PPP4R3B: variants seen among roughly 807,000 people sequenced by gnomAD.
PPP4R3B encodes protein phosphatase 4 regulatory subunit 3B.
Under a neutral mutation model 95.4 loss-of-function variants are expected in PPP4R3B, and 52 were observed. That is an observed-to-expected ratio of 0.54 (90% CI 0.44 to 0.69). The LOEUF is 0.69. PPP4R3B is among the 30% of genes least tolerant of loss of function. The pLI is 0.00. For missense variants in PPP4R3B, 1,003 were observed against 1,005.9 expected, an observed-to-expected ratio of 1.00 and a Z score of 0.04; for synonymous variants, 407 against 343.9, an observed-to-expected ratio of 1.18 and a Z score of -2.03.
At chr2:55,601,373 A>G (rs1692583503) in intron 3 of PPP4R3B, among the ~76,000 whole-genome samples, 1 of 150,896 alleles carries the variant, frequency 6.6e-6, no homozygotes, top group Non-Finnish European at 1.5e-5. Flanking sequence ...AACCAGACCA[A>G]CTGTCTTTTT....
chr2:55,578,730 T>A (rs766250887), intron 9 of PPP4R3B, among the ~76,000 whole-genome samples: 1 of 152,068 alleles, frequency 6.6e-6, no homozygotes, highest in African/African-American at 2.4e-5. Flanking sequence ...ATGGAACTGA[T>A]AGTATTACAT....
chr2:55,576,426 T>C (rs971805534), intron 11 of PPP4R3B, among the ~76,000 whole-genome samples: 1 of 149,870 alleles, frequency 6.7e-6, no homozygotes, highest in Non-Finnish European at 1.5e-5. Flanking sequence ...CCCTCAATGC[T>C]GTATGTGGAA....
chr2:55,578,488 T>C (rs1165209041), intron 9 of PPP4R3B, 146 bp from the exon 10 acceptor site: 1 of 866,422 alleles, frequency 1.2e-6, no homozygotes. Flanking sequence ...TTTATATAAA[T>C]GGAACCATTC....
chr2:55,549,882 C>T lies in PPP4R3B; in HGVS notation c.*29G>A. 6.6e-7 allele frequency: 1 copy of T among 1,513,898 alleles called. No individual in the cohort carries two copies. Among genetic ancestry groups the T allele is most frequent in the Non-Finnish European group, 9.2e-7 (1 of 1,089,056 alleles). 93.8% of individuals were successfully genotyped at this position (1,513,898 alleles called of 1,614,324 possible). A position where few individuals can be genotyped will look rare whatever the true frequency, so the allele number is the denominator to read the frequency against. ...CTGAACAGTTGCAGCATTGTAAGAC[C>T]ACATGTTGAGGGTCCCCTAATAAAT... On this transcript the variant is annotated 3_prime_UTR_variant, in exon 17 of 17. Coordinates refer to ENST00000616407, the MANE Select transcript of PPP4R3B (RefSeq NM_001122964.3).
chr2:55,566,886 G>A (rs1252869174), intron 13 of PPP4R3B, among the ~76,000 whole-genome samples: 1 of 152,152 alleles, frequency 6.6e-6, no homozygotes, highest in Non-Finnish European at 1.5e-5. Context: ...CATGCCTGTA[G>A]TTCCAATTAC....
At chr2:55,587,413 G>C (rs1417026287) in intron 5 of PPP4R3B, among the ~76,000 whole-genome samples, 2 of 152,206 alleles carry the variant, frequency 1.3e-5, no homozygotes, top group Non-Finnish European at 1.5e-5. Context: ...GTGAAACCCT[G>C]TCTCTACTAA....
chr2:55,579,274 G>A (rs1195553898), intron 9 of PPP4R3B, among the ~76,000 whole-genome samples: 1 of 152,040 alleles, frequency 6.6e-6, no homozygotes, highest in Non-Finnish European at 1.5e-5. Flanking sequence ...TGTGCATTTG[G>A]AGGCTAAGTT....
At chr2:55,554,005 G>A (rs1558933525) in intron 16 of PPP4R3B, among the ~76,000 whole-genome samples, 1 of 152,142 alleles carries the variant, frequency 6.6e-6, no homozygotes, top group Admixed American at 6.5e-5. Context: ...GTAACTCTGG[G>A]TCATATGGTA....
chr2:55,558,557 G>A (rs921284255), intron 16 of PPP4R3B, among the ~76,000 whole-genome samples: 59 of 152,088 alleles, frequency 3.9e-4, no homozygotes, highest in African/African-American at 1.3e-3. Flanking sequence ...GCAGTGAGCT[G>A]AGATCACTCC....
intron 2 of PPP4R3B, among the ~76,000 whole-genome samples, chr2:55,610,495 C>T (rs1446253860): frequency 6.6e-6 from 1 of 152,102 alleles, no homozygotes; most frequent in African/African-American, 2.4e-5. Flanking sequence ...TATCACAGTT[C>T]CTTCCACTAC....
intron 3 of PPP4R3B, among the ~76,000 whole-genome samples, chr2:55,600,895 A>G (rs887365126): frequency 6.6e-6 from 1 of 152,218 alleles, no homozygotes; most frequent in Non-Finnish European, 1.5e-5. Context: ...GCTGTGGCTC[A>G]TGCCTGTAAT....
rs1460830276 is a variant in PPP4R3B at position 55,598,821 on chromosome 2, A to C, written c.516T>G (p.Ile172Met). The change falls in exon 4 of 17, where the codon ATT becomes ATG. Residue 172 changes from isoleucine (I) to methionine (M), a missense_variant. By Grantham distance (10) the Ile-to-Met change is conservative. Transcript: ENST00000616407. The part of the protein sequence containing the change: ...LALALENEGY[I>M]KKLLQLFQAC... ...CTTGGAACAGCTGCAATAGTTTTTT[A>C]ATATAGCCTTCATTTTCCAAGGCGA... The C allele has an allele frequency of 6.2e-7, 1 of 1,614,180 alleles. No individual in the cohort carries two copies. The highest frequency in any genetic ancestry group is 8.5e-7 in the Non-Finnish European group (1 of 1,180,024).
chr2:55,563,507 G>C (rs1686886957), intron 15 of PPP4R3B, among the ~76,000 whole-genome samples: 1 of 152,034 alleles, frequency 6.6e-6, no homozygotes, highest in South Asian at 2.1e-4. Flanking sequence ...CTAGTAGCTG[G>C]GACTCCAGGT....
At chr2:55,579,356 T>A (rs1689126856) in intron 9 of PPP4R3B, among the ~76,000 whole-genome samples, 1 of 152,060 alleles carries the variant, frequency 6.6e-6, no homozygotes, top group South Asian at 2.1e-4. Context: ...TTTCTTTTGA[T>A]AAGTGTCTAC....
chr2:55,550,238 C>A (rs1685099841), intron 16 of PPP4R3B, among the ~76,000 whole-genome samples: 1 of 152,152 alleles, frequency 6.6e-6, no homozygotes, highest in African/African-American at 2.4e-5. Context: ...ATTAATGATA[C>A]TTCAAAACTC....
At position 55,617,536 on chromosome 2, in the gene PPP4R3B, C is replaced by T. The variant is rs878888582; in HGVS notation, c.-251G>A. 5.0e-6 allele frequency: 2 copies of T among 399,666 alleles called. No homozygotes were observed. Among genetic ancestry groups the T allele is most frequent in the Non-Finnish European group, 4.5e-6 (1 of 223,522 alleles). The allele number at this position is 399,666 out of a possible 1,614,324, so 24.8% of individuals were successfully genotyped here. ...TACACCCACTCTCCCGTCTCTTTGCCCCCCAGGGCTCGCTTGCTCTCCCGC... is the reference window on the plus strand; with the variant it reads ...TACACCCACTCTCCCGTCTCTTTGCTCCCCAGGGCTCGCTTGCTCTCCCGC... On this transcript the variant is annotated 5_prime_UTR_variant, in exon 1 of 17. Transcript: ENST00000616407.
chr2:55,560,782 A>G (rs898880420), intron 15 of PPP4R3B, among the ~76,000 whole-genome samples: 2 of 7,752 alleles, frequency 2.6e-4, no homozygotes, highest in African/African-American at 1.5e-3. Context: ...ATCTCAGAAA[A>G]AAAAAAAAAA....
At chr2:55,584,936 C>T in intron 7 of PPP4R3B, 115 bp downstream of exon 7, 6 of 829,230 alleles carry the variant, frequency 7.2e-6, no homozygotes, top group East Asian at 2.9e-5. Context: ...AGTCAGAAAT[C>T]TATTATTTTG....
At chr2:55,551,775 A>AATAG (rs1553458442) in intron 16 of PPP4R3B, among the ~76,000 whole-genome samples, 3 of 152,050 alleles carry the variant, frequency 2.0e-5, no homozygotes, top group African/African-American at 7.2e-5. Context: ...TAAATAAATA[A>AATAG]ATAGATAACC....
Sources: gnomAD v4.1 joint callset for allele counts (sites outside exome capture counted in the v4.1 genomes callset) on GRCh38, gnomAD v4.1.1 for gene constraint, MANE v1.5 for transcripts, NCBI Gene and HGNC (gene_info 2026-07-23, HGNC 2026-07-21) for gene names.